Variants in OR1J4 observed in about 807,000 individuals in gnomAD.
OR1J4 encodes the protein olfactory receptor family 1 subfamily J member 4.
For missense variants in OR1J4, 350 were observed against 371.1 expected (o/e 0.94, Z 0.47); for synonymous variants, 154 against 152.6 (o/e 1.01, Z -0.07).
Position 122,519,316 on chromosome 9 carries a change from T to G in OR1J4, c.176T>G (p.Met59Arg). 6.2e-7 allele frequency: 1 copy of G among 1,614,134 alleles called. No homozygotes were observed. The highest frequency in any genetic ancestry group is 8.5e-7 in the Non-Finnish European group (1 of 1,180,022). Reference protein sequence around the residue: ...IRLDSHLHTPMFFFLSHLALT... With the variant: ...IRLDSHLHTPRFFFLSHLALT... Reference sequence around the variant, plus strand: ...CTGGACTCTCACCTTCACACCCCCATGTTCTTCTTCCTCAGCCACTTGGCT... The same window carrying G: ...CTGGACTCTCACCTTCACACCCCCAGGTTCTTCTTCCTCAGCCACTTGGCT... The change falls in exon 1 of 1, where the codon ATG becomes AGG. Residue 59 changes from methionine to arginine, a missense_variant. Physicochemically the swap from Met to Arg is moderately conservative, Grantham distance 91. Transcript: ENST00000340750.
Position 122,519,754 on chromosome 9 carries a change from C to T in OR1J4, c.614C>T (p.Ala205Val), listed in dbSNP as rs780787754. The change falls in exon 1 of 1, where the codon GCA (alanine) becomes GTA (valine). Residue 205 changes from alanine (A) to valine (V), a missense_variant. Physicochemically the swap from Ala to Val is moderately conservative, Grantham distance 64 (BLOSUM62 0). Coordinates refer to ENST00000340750, the MANE Select transcript of OR1J4 (RefSeq NM_001004452.1). ...NELVIFTVGQ[A>V]VITLPLICIL... ...CTGGTCATTTTCACAGTGGGACAGG[C>T]AGTCATTACTCTACCACTAATATGC... 6 of 1,614,144 alleles carry T rather than the reference C, an allele frequency of 3.7e-6. No homozygotes were observed. In the Admixed American group the frequency reaches 8.3e-5, roughly 22 times the overall value.
rs1564186114 is a variant in OR1J4 at position 122,519,600 on chromosome 9, A to G, written c.460A>G (p.Thr154Ala). ...LVTVSWILSC[T>A]NALSHTLLLA... is the part of the protein sequence containing the mutation. ...CACTGTGTCCTGGATCCTCTCCTGT[A>G]CCAATGCCCTGTCTCACACTCTCCT... is the stretch of plus-strand genomic sequence containing the variant. The change falls in exon 1 of 1, where the codon ACC (threonine) becomes GCC (alanine). Residue 154 changes from threonine to alanine, a missense_variant. Thr to Ala is a moderately conservative substitution (Grantham distance 58). Transcript: ENST00000340750. The G allele has an allele frequency of 6.2e-7, 1 of 1,613,980 alleles. No individual in the cohort carries two copies. The highest frequency in any genetic ancestry group is 8.5e-7 in the Non-Finnish European group (1 of 1,179,980).
Position 122,519,230 on chromosome 9 carries a change from G to C in OR1J4, c.90G>C (p.Leu30=), listed in dbSNP as rs1353532567. Residue 30 remains leucine, a synonymous_variant, in exon 1 of 1, where the codon CTG becomes CTC. Transcript: ENST00000340750. ...AGCAGCAGGCTGTGTTCTTCACCCT[G>C]TTCTTGGGCATGTACCTGATCACGG... The part of the protein sequence containing the change: ...WPEQQAVFFT[L]FLGMYLITVL... 2 of 1,614,026 alleles carry C rather than the reference G, an allele frequency of 1.2e-6. No homozygotes were observed. The highest frequency in any genetic ancestry group is 2.2e-5 in the South Asian group (2 of 91,066).
Position 122,519,319 on chromosome 9 carries a change from T to C in OR1J4, c.179T>C (p.Phe60Ser), listed in dbSNP as rs559675076. ...RLDSHLHTPM[F>S]FFLSHLALTD... is the part of the protein sequence containing the mutation. ...GACTCTCACCTTCACACCCCCATGT[T>C]CTTCTTCCTCAGCCACTTGGCTCTC... Residue 60 changes from phenylalanine (F) to serine (S), a missense_variant, in exon 1 of 1, where the codon TTC (phenylalanine) becomes TCC (serine). Transcript: ENST00000340750. 1.9e-6 allele frequency: 3 copies of C among 1,613,980 alleles called. No homozygotes were observed.
At position 122,519,999 on chromosome 9, in the gene OR1J4, C is replaced by A; in HGVS notation, c.859C>A (p.Pro287Thr). 2 of 1,614,168 alleles carry A rather than the reference C, an allele frequency of 1.2e-6. No homozygotes were observed. The highest frequency in any genetic ancestry group is 1.7e-6 in the Non-Finnish European group (2 of 1,180,038). Residue 287 changes from proline to threonine, a missense_variant, in exon 1 of 1, where the codon CCC becomes ACC. By Grantham distance (38) the Pro-to-Thr change is conservative (BLOSUM62 -1). Coordinates refer to ENST00000340750, the MANE Select transcript of OR1J4 (RefSeq NM_001004452.1). ...MYTVITPLLN[P>T]FIYSLRNRDI... Reference sequence around the variant, plus strand: ...CACGGTGATCACCCCATTGCTGAATCCCTTCATTTATAGCCTAAGGAACAG... The same window carrying A: ...CACGGTGATCACCCCATTGCTGAATACCTTCATTTATAGCCTAAGGAACAG...
rs766874891 is a variant in OR1J4 at position 122,519,413 on chromosome 9, C to T, written c.273C>T (p.Ser91=). 6.2e-7 allele frequency: 1 copy of T among 1,614,178 alleles called. No homozygotes were observed. ...TAAGCATGCAAACTCAGGATCAATC[C>T]ATTCTTTATGCAGGGTGTGTAACTC... ...MLLSMQTQDQ[S]ILYAGCVTQM... is the part of the protein sequence containing the mutation. The change falls in exon 1 of 1, where the codon TCC becomes TCT. Residue 91 remains serine (S), a synonymous_variant. Transcript: ENST00000340750.
At position 122,519,954 on chromosome 9, in the gene OR1J4, G is replaced by A. The variant is rs751496763; in HGVS notation, c.814G>A (p.Val272Ile). 22 of 1,614,010 alleles carry A rather than the reference G, an allele frequency of 1.4e-5. No homozygotes were observed. The East Asian group carries it at 1.6e-4, about 11-fold the overall frequency. The change falls in exon 1 of 1, where the codon GTA (valine) becomes ATA (isoleucine). Residue 272 changes from valine to isoleucine, a missense_variant. Physicochemically the swap from Val to Ile is conservative, Grantham distance 29. Coordinates refer to ENST00000340750, the MANE Select transcript of OR1J4 (RefSeq NM_001004452.1). ...PSSSASSDKD[V>I]IASVMYTVIT... Reference sequence around the variant, plus strand: ...ATCCAGTGCCTCCAGTGACAAGGACGTAATTGCCTCTGTGATGTACACGGT... The same window carrying A: ...ATCCAGTGCCTCCAGTGACAAGGACATAATTGCCTCTGTGATGTACACGGT...
Position 122,519,200 on chromosome 9 carries a change from G to C in OR1J4, c.60G>C (p.Trp20Cys), listed in dbSNP as rs1482147159. The C allele has an allele frequency of 6.2e-7, 1 of 1,613,842 alleles. No homozygotes were observed. Among genetic ancestry groups the C allele is most frequent in the East Asian group, 2.2e-5 (1 of 44,882 alleles). ...TCCTCCTCCTGGACCTCCCCATCTG[G>C]CCAGAGCAGCAGGCTGTGTTCTTCA... Reference protein sequence around the residue: ...SEFLLLDLPIWPEQQAVFFTL... With the variant: ...SEFLLLDLPICPEQQAVFFTL... Residue 20 changes from tryptophan (W) to cysteine (C), a missense_variant, in exon 1 of 1, where the codon TGG (tryptophan) becomes TGC (cysteine). Trp to Cys is a radical substitution (Grantham distance 215). Coordinates refer to ENST00000340750, the MANE Select transcript of OR1J4 (RefSeq NM_001004452.1).
Position 122,519,425 on chromosome 9 carries a change from A to G in OR1J4, c.285A>G (p.Ala95=). 1.2e-6 allele frequency: 2 copies of G among 1,614,206 alleles called. No homozygotes were observed. Residue 95 remains alanine (A), a synonymous_variant, in exon 1 of 1, where the codon GCA becomes GCG. Coordinates refer to ENST00000340750, the MANE Select transcript of OR1J4 (RefSeq NM_001004452.1). ...CTCAGGATCAATCCATTCTTTATGC[A>G]GGGTGTGTAACTCAGATGTATTTTT... ...MQTQDQSILY[A]GCVTQMYFFI...
At position 122,519,961 on chromosome 9, in the gene OR1J4, C is replaced by A. The variant is rs933054547; in HGVS notation, c.821C>A (p.Ala274Asp). The stretch of plus-strand genomic sequence containing the variant: ...GCCTCCAGTGACAAGGACGTAATTG[C>A]CTCTGTGATGTACACGGTGATCACC... ...SSASSDKDVI[A>D]SVMYTVITPL... The change falls in exon 1 of 1, where the codon GCC becomes GAC. Residue 274 changes from alanine (A) to aspartate (D), a missense_variant. Transcript: ENST00000340750. 3.7e-6 allele frequency: 6 copies of A among 1,613,984 alleles called. No individual in the cohort carries two copies. In the African/African-American group the frequency reaches 5.3e-5, roughly 14 times the overall value.
rs770833491 is a variant in OR1J4, at chr9:122,519,368, C to G, written c.228C>G (p.Val76=). ...LALTDISLSS[V]TVPKMLLSMQ... ...TCACTGACATCTCCCTTTCATCTGTCACTGTCCCAAAGATGTTATTAAGCA... is the reference window on the plus strand; with the variant it reads ...TCACTGACATCTCCCTTTCATCTGTGACTGTCCCAAAGATGTTATTAAGCA... The change falls in exon 1 of 1, where the codon GTC becomes GTG. Residue 76 remains valine, a synonymous_variant. Coordinates refer to ENST00000340750, the MANE Select transcript of OR1J4 (RefSeq NM_001004452.1). 1.9e-6 allele frequency: 3 copies of G among 1,614,168 alleles called. No homozygotes were observed. The East Asian group carries it at 6.7e-5, about 36-fold the overall frequency.
rs367722480 is a variant in OR1J4 at position 122,519,868 on chromosome 9, C to G, written c.728C>G (p.Ser243Cys). ...TTCAAAGCTTTGTCCACCTGTGGCTCTCACCTCTCTGTGGTGTCTCTGTAT... is the reference window on the plus strand; with the variant it reads ...TTCAAAGCTTTGTCCACCTGTGGCTGTCACCTCTCTGTGGTGTCTCTGTAT... ...GIFKALSTCG[S>C]HLSVVSLYYG... The change falls in exon 1 of 1, where the codon TCT becomes TGT. Residue 243 changes from serine to cysteine, a missense_variant. By Grantham distance (112) the Ser-to-Cys change is moderately radical. Transcript: ENST00000340750. 5 of 1,614,064 alleles carry G rather than the reference C, an allele frequency of 3.1e-6. No homozygotes were observed. In the African/African-American group the frequency reaches 4.0e-5, roughly 13 times the overall value.
chr9:122,519,680 T>A lies in OR1J4; in HGVS notation c.540T>A (p.Asp180Glu), dbSNP rs367638111. 5 of 1,614,148 alleles carry A rather than the reference T, an allele frequency of 3.1e-6. No homozygotes were observed. Among genetic ancestry groups the A allele is most frequent in the East Asian group, 4.5e-5 (2 of 44,866 alleles). The change falls in exon 1 of 1, where the codon GAT becomes GAA. Residue 180 changes from aspartate (D) to glutamate (E), a missense_variant. Physicochemically the swap from Asp to Glu is conservative, Grantham distance 45 (BLOSUM62 2). Transcript: ENST00000340750. Reference protein sequence around the residue: ...ADNTIPHFFCDLVALLKLSCS... With the variant: ...ADNTIPHFFCELVALLKLSCS... ...ACACCATCCCCCATTTCTTCTGTGA[T>A]CTTGTTGCCCTACTCAAGCTCTCAT...
Position 122,519,146 on chromosome 9 carries a change from GA to G in OR1J4, c.7del (p.Arg3GlyfsTer34). 6.3e-7 allele frequency: 1 copy of G among 1,591,310 alleles called. No homozygotes were observed. The highest frequency in any genetic ancestry group is 2.3e-5 in the East Asian group (1 of 44,426). The part of the protein sequence containing the change: MK[R>X]ENQSSVSEFL... ...GCAGAGAGAAGACTGTCAGCATGAA[GA>G]GGGAGAATCAGAGCAGTGTGTCTGA... On this transcript the variant is annotated frameshift_variant, in exon 1 of 1. Coordinates refer to ENST00000340750, the MANE Select transcript of OR1J4 (RefSeq NM_001004452.1). LOFTEE classifies it low-confidence loss of function (END_TRUNC).
chr9:122,519,974 C>T lies in OR1J4; in HGVS notation c.834C>T (p.Tyr278=). Residue 278 remains tyrosine (Y), a synonymous_variant, in exon 1 of 1, where the codon TAC becomes TAT. Coordinates refer to ENST00000340750, the MANE Select transcript of OR1J4 (RefSeq NM_001004452.1). ...AGGACGTAATTGCCTCTGTGATGTA[C>T]ACGGTGATCACCCCATTGCTGAATC... ...SDKDVIASVM[Y]TVITPLLNPF... 2 of 1,614,096 alleles carry T rather than the reference C, an allele frequency of 1.2e-6. No individual in the cohort carries two copies. The highest frequency in any genetic ancestry group is 2.2e-5 in the East Asian group (1 of 44,892).
chr9:122,519,183 C>T lies in OR1J4; in HGVS notation c.43C>T (p.Leu15=). The change falls in exon 1 of 1, where the codon CTG becomes TTG. Residue 15 remains leucine, a synonymous_variant. Coordinates refer to ENST00000340750, the MANE Select transcript of OR1J4 (RefSeq NM_001004452.1). The part of the protein sequence containing the change: ...NQSSVSEFLL[L]DLPIWPEQQA... ...GAGCAGTGTGTCTGAGTTCCTCCTC[C>T]TGGACCTCCCCATCTGGCCAGAGCA... 6.2e-7 allele frequency: 1 copy of T among 1,613,340 alleles called. No homozygotes were observed. The highest frequency in any genetic ancestry group is 1.1e-5 in the South Asian group (1 of 90,998).
Position 122,519,225 on chromosome 9 carries a change from A to C in OR1J4, c.85A>C (p.Thr29Pro). 1 of 1,612,566 alleles carries C rather than the reference A, an allele frequency of 6.2e-7. No homozygotes were observed. The highest frequency in any genetic ancestry group is 8.5e-7 in the Non-Finnish European group (1 of 1,179,944). The part of the protein sequence containing the change: ...IWPEQQAVFF[T>P]LFLGMYLITV... ...GCCAGAGCAGCAGGCTGTGTTCTTC[A>C]CCCTGTTCTTGGGCATGTACCTGAT... is the stretch of plus-strand genomic sequence containing the variant. Residue 29 changes from threonine to proline, a missense_variant, in exon 1 of 1, where the codon ACC (threonine) becomes CCC (proline). Transcript: ENST00000340750.
In OR1J4 at chr9:122,519,731, G is replaced by T. The variant is rs1204241822; in HGVS notation, c.591G>T (p.Leu197=). Residue 197 remains leucine, a synonymous_variant, in exon 1 of 1, where the codon CTG becomes CTT. Transcript: ENST00000340750. The part of the protein sequence containing the change: ...LSCSDISLNE[L]VIFTVGQAVI... ...GCTCAGACATCTCCCTCAATGAGCT[G>T]GTCATTTTCACAGTGGGACAGGCAG... is the stretch of plus-strand genomic sequence containing the variant. The T allele has an allele frequency of 6.2e-7, 1 of 1,614,076 alleles. No individual in the cohort carries two copies. Among genetic ancestry groups the T allele is most frequent in the Non-Finnish European group, 8.5e-7 (1 of 1,179,980 alleles).
rs1326227609 is a variant in OR1J4, at chr9:122,519,524, C to A, written c.384C>A (p.His128Gln). ...MAYDRYVAIC[H>Q]PLRYTTIMKE... The stretch of plus-strand genomic sequence containing the variant: ...ACGATCGGTATGTGGCCATCTGTCA[C>A]CCCCTCCGCTACACCACTATCATGA... Residue 128 changes from histidine (H) to glutamine (Q), a missense_variant, in exon 1 of 1, where the codon CAC becomes CAA. By Grantham distance (24) the His-to-Gln change is conservative. Transcript: ENST00000340750. 6.2e-7 allele frequency: 1 copy of A among 1,614,146 alleles called. No individual in the cohort carries two copies. The highest frequency in any genetic ancestry group is 1.7e-5 in the Admixed American group (1 of 60,028).
Sources: gnomAD v4.1 joint callset for allele counts on GRCh38, gnomAD v4.1.1 for gene constraint, MANE v1.5 for transcripts, NCBI Gene and HGNC (gene_info 2026-07-23, HGNC 2026-07-21) for gene names.